CD86: variants seen among roughly 807,000 people sequenced by gnomAD.
CD86 encodes the protein CD86 molecule.
Under a neutral mutation model 32.1 loss-of-function variants are expected in CD86, and 11 were observed. That is an observed-to-expected ratio of 0.34 (90% CI 0.22 to 0.57). CD86 has a LOEUF of 0.57. Ranked by LOEUF, CD86 falls within the 20% of genes least tolerant of loss-of-function variation. The probability of loss-of-function intolerance (pLI) is 0.86; values close to 1 mark genes in which losing one functional copy is unlikely to be tolerated. For missense variants in CD86, 359 were observed against 398.4 expected (o/e 0.90, Z 0.84); for synonymous variants, 137 against 135.3 (o/e 1.01, Z -0.09).
At position 122,101,504 on chromosome 3, in the gene CD86, AAAAAAAAAAATAT is replaced by A. The variant is rs1227529727; in HGVS notation, c.65-2006_65-1994del. On this transcript the variant is annotated intron_variant, in intron 2 of 6. Transcript: ENST00000330540. ...ACTGTGAGGCTCTACAGAAAAAAAAAAAAAAAAAAATATATATATATATATATATATATATATG... is the reference window on the plus strand; with the variant it reads ...ACTGTGAGGCTCTACAGAAAAAAAAAATATATATATATATATATATATATG... Among the ~76,000 whole-genome samples, 152 of 46,968 alleles carry A rather than the reference AAAAAAAAAAATAT, an allele frequency of 3.2e-3. 1 individual carries two copies. Among genetic ancestry groups the A allele is most frequent in the South Asian group, 0.031 (32 of 1,042 alleles). The allele number at this position is 46,968 out of a possible 152,430, so 30.8% of individuals were successfully genotyped here.
intron 1 of CD86, among the ~76,000 whole-genome samples, chr3:122,061,974 GT>G (rs1253588547): frequency 6.6e-6 from 1 of 151,994 alleles, no homozygotes; most frequent in Non-Finnish European, 1.5e-5. Context: ...CACAAACTGT[GT>G]GTGCAAGATG....
intron 4 of CD86, among the ~76,000 whole-genome samples, chr3:122,106,840 G>GCACACATA (rs1553754166): frequency 2.7e-4 from 39 of 143,476 alleles, no homozygotes; most frequent in African/African-American, 9.1e-4. Flanking sequence ...ACATGCGCTT[G>GCACACATA]CACACACACA....
At chr3:122,110,573 T>C (rs1258246929) in intron 5 of CD86, among the ~76,000 whole-genome samples, 1 of 152,218 alleles carries the variant, frequency 6.6e-6, no homozygotes, top group Non-Finnish European at 1.5e-5. Flanking sequence ...ACATTAGCAG[T>C]CATTCAATGC....
At chr3:122,077,990 T>C (rs2072578654) in intron 1 of CD86, 2 of 985,604 alleles carry the variant, frequency 2.0e-6, no homozygotes, top group Non-Finnish European at 2.4e-6. Flanking sequence ...GGAATGCTGC[T>C]GTGCTTATGC....
At chr3:122,112,990 T>C (rs1019690545) in intron 5 of CD86, among the ~76,000 whole-genome samples, 1 of 152,076 alleles carries the variant, frequency 6.6e-6, no homozygotes, top group African/African-American at 2.4e-5. Context: ...GTGTAGTCTT[T>C]TATCTCTCAC....
chr3:122,083,797 G>T lies in CD86; in HGVS notation c.15-7804G>T, dbSNP rs570586367. Among the ~76,000 whole-genome samples, 16 of 152,180 alleles carry T rather than the reference G, an allele frequency of 1.1e-4. No homozygotes were observed. The South Asian group carries it at 3.3e-3, about 32-fold the overall frequency. On this transcript the variant is annotated intron_variant, in intron 1 of 6. Transcript: ENST00000330540. ...CACCCACATGATTATTGAAGATTTGGTGCCACCAAAAAATTTAAAATATTC... is the reference window on the plus strand; with the variant it reads ...CACCCACATGATTATTGAAGATTTGTTGCCACCAAAAAATTTAAAATATTC...
chr3:122,066,048 C>T (rs1007082159), intron 1 of CD86, among the ~76,000 whole-genome samples: 1 of 152,086 alleles, frequency 6.6e-6, no homozygotes, highest in African/African-American at 2.4e-5. Flanking sequence ...AAAAGAAAAA[C>T]AAGCCAAAAC....
intron 1 of CD86, among the ~76,000 whole-genome samples, chr3:122,062,775 T>C (rs2072357312): frequency 6.6e-6 from 1 of 152,226 alleles, no homozygotes; most frequent in South Asian, 2.1e-4. Flanking sequence ...CACTTGCCAA[T>C]GCCATGAGGA....
intron 1 of CD86, among the ~76,000 whole-genome samples, chr3:122,085,717 G>C (rs2072706408): frequency 1.3e-5 from 2 of 152,238 alleles, no homozygotes; most frequent in African/African-American, 4.8e-5. Flanking sequence ...GGGTGGGACA[G>C]CGGAATGCAG....
Position 122,103,658 on chromosome 3 carries a change from G to A in CD86, c.211G>A (p.Gly71Ser), listed in dbSNP as rs1203132714. The change falls in exon 3 of 7, where the codon GGC becomes AGC. Residue 71 changes from glycine (G) to serine (S), a missense_variant. Gly to Ser is a moderately conservative substitution (Grantham distance 56, BLOSUM62 0). Transcript: ENST00000330540. ...ENLVLNEVYL[G>S]KEKFDSVHSK... The stretch of plus-strand genomic sequence containing the variant: ...CTTGGTTCTGAATGAGGTATACTTA[G>A]GCAAAGAGAAATTTGACAGTGTTCA... The A allele has an allele frequency of 1.2e-6, 2 of 1,613,934 alleles. No individual in the cohort carries two copies. Among genetic ancestry groups the A allele is most frequent in the African/African-American group, 2.7e-5 (2 of 74,886 alleles).
rs1162722205 is a variant in CD86, at chr3:122,120,887, G to T, written c.*1353G>T. 6.6e-6 allele frequency: 1 copy of T among 152,378 alleles called. No individual in the cohort carries two copies. The highest frequency in any genetic ancestry group is 1.9e-4 in the East Asian group (1 of 5,204). 9.4% of individuals were successfully genotyped at this position (152,378 alleles called of 1,614,324 possible). A position where few individuals can be genotyped will look rare whatever the true frequency, so the allele number is the denominator to read the frequency against. ...AATGACTTTGAAAACCTGGCTCTAA[G>T]GTGGGATCACTAAGGGATGGGGCAG... On this transcript the variant is annotated 3_prime_UTR_variant, in exon 7 of 7. Coordinates refer to ENST00000330540, the MANE Select transcript of CD86 (RefSeq NM_175862.5).
chr3:122,062,900 C>T (rs1411646020), intron 1 of CD86, among the ~76,000 whole-genome samples: 2 of 152,156 alleles, frequency 1.3e-5, no homozygotes, highest in Non-Finnish European at 2.9e-5. Flanking sequence ...AGTTCTTTAG[C>T]TCTGCCTTTT....
At chr3:122,061,305 T>A (rs16832666) in intron 1 of CD86, among the ~76,000 whole-genome samples, 2 of 152,206 alleles carry the variant, frequency 1.3e-5, no homozygotes, top group Non-Finnish European at 2.9e-5. Flanking sequence ...GGTACTGTGA[T>A]GAATACAAAT....
intron 3 of CD86, among the ~76,000 whole-genome samples, chr3:122,104,300 C>G (rs556441387): frequency 3.9e-5 from 6 of 152,218 alleles, no homozygotes; most frequent in African/African-American, 1.4e-4. Flanking sequence ...TTTGGGTTTT[C>G]CCTTCAGCCT....
chr3:122,105,800 T>A (rs1179923651), intron 3 of CD86, among the ~76,000 whole-genome samples: 1 of 152,082 alleles, frequency 6.6e-6, no homozygotes, highest in Admixed American at 6.5e-5. Flanking sequence ...TCCAGCTCAA[T>A]TCCTTCCTGC....
chr3:122,110,290 ACTG>A lies in CD86; in HGVS notation c.847+883_847+885del. ...TTTTGTTATTATAAACACCCTCCCC[ACTG>A]ACTTCTGTTATAAAAATGTTTCATG... On this transcript the variant is annotated intron_variant, in intron 5 of 6. Transcript: ENST00000330540. Among the ~76,000 whole-genome samples the A allele has an allele frequency of 2.0e-5, 3 of 152,272 alleles. No individual in the cohort carries two copies. In the South Asian group the frequency reaches 6.2e-4, roughly 32 times the overall value.
chr3:122,090,869 G>A (rs1475741373), intron 1 of CD86, among the ~76,000 whole-genome samples: 3 of 152,134 alleles, frequency 2.0e-5, no homozygotes, highest in African/African-American at 7.2e-5. Flanking sequence ...CCTTAGGCCG[G>A]CAGCATTGTC....
intron 1 of CD86, among the ~76,000 whole-genome samples, chr3:122,076,794 T>G (rs529550583): frequency 2.0e-5 from 3 of 152,364 alleles, no homozygotes; most frequent in East Asian, 3.9e-4. Context: ...AGGCAAGGTT[T>G]CCTTTGTTTT....
intron 5 of CD86, among the ~76,000 whole-genome samples, chr3:122,110,558 G>T (rs769587374): frequency 6.6e-6 from 1 of 152,138 alleles, no homozygotes; most frequent in African/African-American, 2.4e-5. Context: ...GAAAATAGAT[G>T]GATGACATTA....
Sources: gnomAD v4.1 joint callset for allele counts (sites outside exome capture counted in the v4.1 genomes callset) on GRCh38, gnomAD v4.1.1 for gene constraint, MANE v1.5 for transcripts, NCBI Gene and HGNC (gene_info 2026-07-23, HGNC 2026-07-21) for gene names.